Variants in EYS observed in about 807,000 individuals in gnomAD.
The protein encoded by EYS is protein eyes shut homolog.
A neutral mutation model predicts 282.1 loss-of-function variants in EYS; 250 were observed. That is an observed-to-expected ratio of 0.89 (90% CI 0.80 to 0.98). The LOEUF (loss-of-function observed/expected upper bound fraction) is 0.98, where lower values mean the gene tolerates loss of function less well. EYS is among the 50% of genes least tolerant of loss of function. The pLI, the probability that EYS is intolerant of heterozygous loss-of-function variation, is 0.00. For synonymous variants in EYS, 1,355 were observed against 1,282.9 expected, an observed-to-expected ratio of 1.06 and a Z score of -1.20; for missense variants, 4,016 against 3,709.0, an observed-to-expected ratio of 1.08 and a Z score of -2.15.
intron 7 of EYS, among the ~76,000 whole-genome samples, chr6:65,398,027 T>C (rs1222950366): frequency 6.6e-6 from 1 of 152,070 alleles, no homozygotes; most frequent in African/African-American, 2.4e-5. Flanking sequence ...GCATTTTTTA[T>C]ATGTTTTTTG....
At chr6:65,479,580 T>C (rs879539750) in intron 5 of EYS, among the ~76,000 whole-genome samples, 3 of 152,178 alleles carry the variant, frequency 2.0e-5, no homozygotes, top group Admixed American at 1.3e-4. Context: ...AGCAAATCTA[T>C]GGGTAAAAGG....
chr6:65,444,517 G>C (rs1443976872), intron 5 of EYS, among the ~76,000 whole-genome samples: 2 of 152,078 alleles, frequency 1.3e-5, no homozygotes, highest in Non-Finnish European at 2.9e-5. Context: ...TCTTTGGAGA[G>C]GGTTGGATTG....
chr6:65,280,132 T>A (rs1427151800), intron 12 of EYS, among the ~76,000 whole-genome samples: 3 of 152,154 alleles, frequency 2.0e-5, no homozygotes, highest in Admixed American at 6.6e-5. Context: ...TATTTTAGAC[T>A]TAACTGACTT....
intron 14 of EYS, among the ~76,000 whole-genome samples, chr6:64,966,277 C>G (rs981394355): frequency 6.6e-6 from 1 of 151,804 alleles, no homozygotes; most frequent in Non-Finnish European, 1.5e-5. Flanking sequence ...GAAAAGAGAG[C>G]CTAAATTGGT....
At chr6:64,231,857 T>C (rs947631917) in intron 30 of EYS, among the ~76,000 whole-genome samples, 3 of 152,112 alleles carry the variant, frequency 2.0e-5, no homozygotes, top group African/African-American at 7.2e-5. Context: ...TCACTTAATA[T>C]AATAATGAGA....
intron 29 of EYS, among the ~76,000 whole-genome samples, chr6:64,318,914 G>A (rs149737520): frequency 1.3e-4 from 20 of 151,694 alleles, no homozygotes; most frequent in South Asian, 1.2e-3. Flanking sequence ...TTCTATGAGC[G>A]TTCCAATTTT....
At chr6:65,530,176 C>T (rs1399659423) in intron 2 of EYS, among the ~76,000 whole-genome samples, 1 of 151,964 alleles carries the variant, frequency 6.6e-6, no homozygotes, top group Admixed American at 6.6e-5. Flanking sequence ...GTGAGCTTAC[C>T]ATTTGTCAGT....
intron 2 of EYS, among the ~76,000 whole-genome samples, chr6:65,572,798 C>T (rs1336379353): frequency 1.3e-5 from 2 of 152,002 alleles, no homozygotes; most frequent in African/African-American, 4.8e-5. Flanking sequence ...ATATGTACTC[C>T]CCCATTAGTT....
rs747110424 is a variant in EYS at position 64,912,515 on chromosome 6, T to C, written c.2610A>G (p.Val870=). 6.4e-7 allele frequency: 1 copy of C among 1,551,290 alleles called. No homozygotes were observed. ...CRNNSTCLAL[V]DANQHCICRE... ...TACAAATACAATGCTGATTTGCGTC[T>C]ACCAAAGCTAAGCATGTTGAGTTGT... is the stretch of plus-strand genomic sequence containing the variant. Residue 870 remains valine (V), a synonymous_variant, in exon 16 of 43, where the codon GTA becomes GTG. Transcript: ENST00000503581.
At chr6:64,673,350 T>C (rs899389737) in intron 22 of EYS, among the ~76,000 whole-genome samples, 7 of 152,104 alleles carry the variant, frequency 4.6e-5, no homozygotes, top group African/African-American at 1.7e-4. Context: ...CACAGTATAA[T>C]TGAGTTATGA....
intron 26 of EYS, among the ~76,000 whole-genome samples, chr6:64,521,991 T>C (rs140816193): frequency 6.6e-6 from 1 of 151,770 alleles, no homozygotes; most frequent in Admixed American, 6.6e-5. Flanking sequence ...CATGAATGAA[T>C]AAACATATAA....
chr6:64,488,581 A>C (rs893745602), intron 26 of EYS, among the ~76,000 whole-genome samples: 1 of 151,246 alleles, frequency 6.6e-6, no homozygotes, highest in African/African-American at 2.4e-5. Context: ...AATTATTTCA[A>C]AACAAAGTCT....
chr6:63,827,776 G>A (rs1465285916), intron 36 of EYS, among the ~76,000 whole-genome samples: 11 of 151,012 alleles, frequency 7.3e-5, no homozygotes, highest in Admixed American at 5.3e-4. Context: ...CCCGGGAAGC[G>A]GAGCTTGCAG....
chr6:63,754,138 G>A, intron 41 of EYS, among the ~76,000 whole-genome samples: 1 of 151,958 alleles, frequency 6.6e-6, no homozygotes, highest in East Asian at 1.9e-4. Context: ...ACTTTTGCCT[G>A]GTCTTAACCT....
chr6:64,580,951 A>G (rs1766040484), intron 26 of EYS, among the ~76,000 whole-genome samples: 1 of 123,950 alleles, frequency 8.1e-6, no homozygotes, highest in Non-Finnish European at 2.0e-5. Flanking sequence ...GAATCAGGGA[A>G]AAGGAAATAT....
rs79765362 is a variant in EYS at position 64,180,856 on chromosome 6, T to C, written c.6424+49736A>G. Among the ~76,000 whole-genome samples the C allele has an allele frequency of 1.2e-3, 188 of 152,256 alleles. 1 individual carries two copies. Among genetic ancestry groups the C allele is most frequent in the African/African-American group, 4.4e-3 (183 of 41,568 alleles). ...AGGATACATATGCAGGTTTGTCACA[T>C]TGGCATATTGAGTGATGCTGAGGTT... On this transcript the variant is annotated intron_variant, in intron 31 of 42. Coordinates refer to ENST00000503581, the MANE Select transcript of EYS (RefSeq NM_001142800.2).
At chr6:64,946,668 A>G (rs1422313720) in intron 14 of EYS, among the ~76,000 whole-genome samples, 1 of 151,994 alleles carries the variant, frequency 6.6e-6, no homozygotes, top group African/African-American at 2.4e-5. Context: ...TTAAATCTGC[A>G]CTTTTCAATA....
Position 65,669,485 on chromosome 6 carries a change from GA to G in EYS, c.-447-29594del, listed in dbSNP as rs574545906. Among the ~76,000 whole-genome samples the G allele has an allele frequency of 1.1e-3, 170 of 152,020 alleles. 1 individual carries two copies. The highest frequency in any genetic ancestry group is 3.4e-3 in the Middle Eastern group (1 of 294). The stretch of plus-strand genomic sequence containing the variant: ...ATATTAGGTATAGCTTAAAATCAGA[GA>G]AAAATAATACCAATTGCCAGAGAAT... On this transcript the variant is annotated intron_variant, in intron 1 of 42. Coordinates refer to ENST00000503581, the MANE Select transcript of EYS (RefSeq NM_001142800.2).
chr6:65,287,285 A>G (rs150196361), intron 12 of EYS, among the ~76,000 whole-genome samples: 33 of 151,672 alleles, frequency 2.2e-4, no homozygotes, highest in Non-Finnish European at 3.4e-4. Flanking sequence ...AAATGGGCTC[A>G]GCATAAATGC....
Sources: gnomAD v4.1 joint callset for allele counts (sites outside exome capture counted in the v4.1 genomes callset) on GRCh38, gnomAD v4.1.1 for gene constraint, MANE v1.5 for transcripts, NCBI Gene and HGNC (gene_info 2026-07-23, HGNC 2026-07-21) for gene names.